The following TC2N variants were observed in gnomAD, a reference collection of about 807,000 sequenced individuals.
TC2N encodes the protein tandem C2 domains, nuclear, also known as tandem C2 domains nuclear protein.
TC2N carries 51 observed loss-of-function variants against 61.9 expected under a neutral mutation model. That is an observed-to-expected ratio of 0.82 (90% CI 0.66 to 1.04). The LOEUF is 1.04. TC2N is among the 50% of genes least tolerant of loss of function. TC2N has a pLI of 0.00. For synonymous variants in TC2N, 204 were observed against 192.6 expected, an observed-to-expected ratio of 1.06 and a Z score of -0.49; for missense variants, 556 against 566.7, an observed-to-expected ratio of 0.98 and a Z score of 0.19.
intron 2 of TC2N, 31 bp from the exon 3 acceptor site, chr14:91,812,576 T>C (rs1213258982): frequency 3.6e-6 from 4 of 1,108,498 alleles, no homozygotes; most frequent in Non-Finnish European, 5.4e-6. Flanking sequence ...AAGTCACAAA[T>C]ATGAATATAG....
In TC2N at chr14:91,780,395, A is replaced by G. The variant is rs527465578; in HGVS notation, c.*2705T>C. ...TAGGGTCTTTTCAGACCACAATTAT[A>G]TAACTTGTTCAAAATCCCACTAGTT... is the stretch of plus-strand genomic sequence containing the variant. On this transcript the variant is annotated 3_prime_UTR_variant, in exon 12 of 12. Transcript: ENST00000435962. The G allele has an allele frequency of 6.6e-6, 1 of 152,356 alleles. No homozygotes were observed. The highest frequency in any genetic ancestry group is 2.1e-4 in the South Asian group (1 of 4,826). The allele number at this position is 152,356 out of a possible 1,614,324, so 9.4% of individuals were successfully genotyped here. A position where few individuals can be genotyped will look rare whatever the true frequency, so the allele number is the denominator to read the frequency against.
At chr14:91,814,676 A>C (rs1886934261) in intron 1 of TC2N, among the ~76,000 whole-genome samples, 1 of 151,674 alleles carries the variant, frequency 6.6e-6, no homozygotes, top group South Asian at 2.1e-4. Flanking sequence ...AGGAGGAAAG[A>C]TGAGAAAAGG....
chr14:91,859,108 T>G (rs1888541627), intron 1 of TC2N, among the ~76,000 whole-genome samples: 1 of 152,116 alleles, frequency 6.6e-6, no homozygotes, highest in Non-Finnish European at 1.5e-5. Context: ...GCACCTGGTG[T>G]CACTTCCCAC....
At chr14:91,811,231 T>A (rs1440317773) in intron 3 of TC2N, among the ~76,000 whole-genome samples, 1 of 150,206 alleles carries the variant, frequency 6.7e-6, no homozygotes, top group Non-Finnish European at 1.5e-5. Context: ...TGAAATTCAT[T>A]CCTCTCCAAA....
rs1555369520 is a variant in TC2N, at chr14:91,801,080, G to GTGTA, written c.470-709_470-708insTACA. On this transcript the variant is annotated intron_variant, in intron 4 of 11. Coordinates refer to ENST00000435962, the MANE Select transcript of TC2N (RefSeq NM_001128596.3). ...TACACATACATATATATGTGTGTGT[G>GTGTA]TATATATATATATATATCCTGAAAA... 4.4e-3 allele frequency among the ~76,000 whole-genome samples: 486 copies of GTGTA among 111,462 alleles called. 6 individuals carry two copies. Among genetic ancestry groups the GTGTA allele is most frequent in the African/African-American group, 0.016 (460 of 28,664 alleles). The allele number at this position is 111,462 out of a possible 152,430, so 73.1% of individuals were successfully genotyped here. A position where few individuals can be genotyped will look rare whatever the true frequency, so the allele number is the denominator to read the frequency against.
chr14:91,844,635 G>A (rs1888231067), intron 1 of TC2N, among the ~76,000 whole-genome samples: 1 of 151,652 alleles, frequency 6.6e-6, no homozygotes, highest in African/African-American at 2.4e-5. Context: ...GGTGGCACAT[G>A]CCTTAGTCTC....
At chr14:91,824,213 C>T (rs1415659559) in intron 1 of TC2N, among the ~76,000 whole-genome samples, 1 of 152,184 alleles carries the variant, frequency 6.6e-6, no homozygotes, top group Non-Finnish European at 1.5e-5. Flanking sequence ...TTTAACTCCT[C>T]CCTAGGCACC....
In TC2N at chr14:91,800,443, A is replaced by C. The variant is rs146193322; in HGVS notation, c.470-71T>G. 4,323 of 795,348 alleles carry C rather than the reference A, an allele frequency of 5.4e-3. 131 individuals are homozygous for C. The African/African-American group carries it at 0.067, about 12-fold the overall frequency. 49.3% of individuals were successfully genotyped at this position (795,348 alleles called of 1,614,324 possible). On this transcript the variant is annotated intron_variant, in intron 4 of 11. Transcript: ENST00000435962. Reference sequence around the variant, plus strand: ...AATTCTACTTAATTACCATGAACTAAATCTCTGTAGCAATACATCATGAAT... The same window carrying C: ...AATTCTACTTAATTACCATGAACTACATCTCTGTAGCAATACATCATGAAT...
intron 3 of TC2N, among the ~76,000 whole-genome samples, chr14:91,804,769 G>C (rs1886430010): frequency 6.6e-6 from 1 of 152,150 alleles, no homozygotes; most frequent in African/African-American, 2.4e-5. Flanking sequence ...AGAGAGTCAT[G>C]ATTGTAACAA....
intron 8 of TC2N, among the ~76,000 whole-genome samples, chr14:91,793,840 C>A (rs1885776351): frequency 6.6e-6 from 1 of 152,134 alleles, no homozygotes; most frequent in Admixed American, 6.5e-5. Flanking sequence ...AAGGAACAAA[C>A]GTACATCTCC....
intron 9 of TC2N, among the ~76,000 whole-genome samples, chr14:91,790,549 T>A (rs751828788): frequency 4.6e-5 from 7 of 152,194 alleles, no homozygotes; most frequent in Non-Finnish European, 2.9e-5. Context: ...CAAATATTTA[T>A]AAAATCTCTG....
At chr14:91,852,550 T>G (rs1311222146) in intron 1 of TC2N, among the ~76,000 whole-genome samples, 1 of 152,200 alleles carries the variant, frequency 6.6e-6, no homozygotes, top group Non-Finnish European at 1.5e-5. Flanking sequence ...ATTTTTGAAT[T>G]TTGTTACCCC....
chr14:91,852,665 AACCAT>A (rs1375883503), intron 1 of TC2N, among the ~76,000 whole-genome samples: 1 of 152,336 alleles, frequency 6.6e-6, no homozygotes, highest in East Asian at 1.9e-4. Flanking sequence ...TTGACCAGTA[AACCAT>A]ACCATGTCAA....
chr14:91,838,287 G>C (rs1440789183), intron 1 of TC2N, among the ~76,000 whole-genome samples: 1 of 151,742 alleles, frequency 6.6e-6, no homozygotes, highest in African/African-American at 2.4e-5. Context: ...GGGACTACAG[G>C]CACATACCAC....
chr14:91,805,797 A>G (rs1254624027), intron 3 of TC2N, among the ~76,000 whole-genome samples: 1 of 152,220 alleles, frequency 6.6e-6, no homozygotes, highest in Non-Finnish European at 1.5e-5. Context: ...AGTAGTATAC[A>G]GTAATGTCCT....
intron 1 of TC2N, among the ~76,000 whole-genome samples, chr14:91,858,566 C>A (rs564516325): frequency 2.0e-5 from 3 of 152,314 alleles, no homozygotes; most frequent in Admixed American, 1.3e-4. Context: ...TAACCTCCAA[C>A]TGAGAACATT....
chr14:91,836,716 C>A (rs920396940), intron 1 of TC2N, among the ~76,000 whole-genome samples: 1 of 133,942 alleles, frequency 7.5e-6, no homozygotes, highest in African/African-American at 2.6e-5. Flanking sequence ...GCTGCGCCTG[C>A]GTCCTCCGCG....
intron 2 of TC2N, 41 bp from the exon 3 acceptor site, chr14:91,812,586 G>C (rs1194757044): frequency 2.0e-6 from 2 of 982,750 alleles, no homozygotes; most frequent in Non-Finnish European, 3.1e-6. Context: ...TATGAATATA[G>C]GTTACATATA....
rs1886282023 is a variant in TC2N, at chr14:91,802,174, T to C, written c.469+80A>G. On this transcript the variant is annotated intron_variant, in intron 4 of 11. Coordinates refer to ENST00000435962, the MANE Select transcript of TC2N (RefSeq NM_001128596.3). ...AAAATGCTTTTAATAGTAAAAATCA[T>C]TTATTCCCATATCTTACATTTGATT... The C allele has an allele frequency of 4.6e-6, 6 of 1,293,122 alleles. 1 individual carries two copies. The South Asian group carries it at 7.3e-5, about 16-fold the overall frequency. 80.1% of individuals were successfully genotyped at this position (1,293,122 alleles called of 1,614,324 possible).
Sources: allele counts gnomAD v4.1 joint callset (sites outside exome capture counted in the v4.1 genomes callset), GRCh38; gene constraint gnomAD v4.1.1; transcripts MANE v1.5; gene names NCBI Gene and HGNC (gene_info 2026-07-23, HGNC 2026-07-21).